CNTNAP2: variants seen among roughly 807,000 people sequenced by gnomAD.
CNTNAP2 encodes the protein contactin-associated protein-like 2.
CNTNAP2 carries 98 observed loss-of-function variants against 155.2 expected under a neutral mutation model. The observed-to-expected ratio is 0.63, with a 90% CI of 0.54 to 0.75. The LOEUF is 0.75. CNTNAP2 is among the 30% of genes least tolerant of loss of function. The pLI is 0.00. For missense variants in CNTNAP2, 1,727 were observed against 1,688.1 expected (o/e 1.02, Z -0.40); for synonymous variants, 651 against 631.2 (o/e 1.03, Z -0.47).
chr7:146,844,685 C>T (rs1803809035), intron 3 of CNTNAP2, among the ~76,000 whole-genome samples: 1 of 152,242 alleles, frequency 6.6e-6, no homozygotes. Context: ...GGAGTAAAAG[C>T]AGTGGATGCC....
At chr7:146,819,447 ACT>A (rs1194427214) in intron 2 of CNTNAP2, among the ~76,000 whole-genome samples, 7 of 151,816 alleles carry the variant, frequency 4.6e-5, no homozygotes, top group Non-Finnish European at 7.4e-5. Flanking sequence ...AATGCCACAC[ACT>A]CTCACAGTTT....
At chr7:147,964,372 GTCA>G (rs768412498) in intron 14 of CNTNAP2, among the ~76,000 whole-genome samples, 3 of 152,124 alleles carry the variant, frequency 2.0e-5, no homozygotes, top group Non-Finnish European at 4.4e-5. Context: ...TTTAGAATTG[GTCA>G]TCAAGATTTT....
chr7:147,661,284 A>G (rs1795604467), intron 13 of CNTNAP2, among the ~76,000 whole-genome samples: 1 of 152,082 alleles, frequency 6.6e-6, no homozygotes, highest in South Asian at 2.1e-4. Context: ...CTTTTCTAAA[A>G]TTCTTGAATT....
intron 16 of CNTNAP2, among the ~76,000 whole-genome samples, chr7:148,146,592 A>G (rs185945564): frequency 1.3e-5 from 2 of 152,234 alleles, no homozygotes; most frequent in Admixed American, 1.3e-4. Flanking sequence ...GCTAGAGGGT[A>G]GGTTATGAGA....
intron 15 of CNTNAP2, among the ~76,000 whole-genome samples, chr7:148,115,513 GCTCTCA>G (rs1804448742): frequency 6.6e-6 from 1 of 152,098 alleles, no homozygotes. Context: ...TCCTTAAAGG[GCTCTCA>G]CCCAATTAGG....
chr7:147,486,503 T>G (rs944384007), intron 11 of CNTNAP2, among the ~76,000 whole-genome samples: 2 of 152,118 alleles, frequency 1.3e-5, no homozygotes, highest in African/African-American at 2.4e-5. Context: ...ACTACCTTTT[T>G]TTAGATCAAA....
intron 2 of CNTNAP2, among the ~76,000 whole-genome samples, chr7:146,824,780 T>G (rs1803367354): frequency 6.6e-6 from 1 of 152,010 alleles, no homozygotes; most frequent in African/African-American, 2.4e-5. Flanking sequence ...ATTAGTGATG[T>G]GGTGGTCATA....
chr7:147,929,341 TGAG>T (rs1257937804), intron 14 of CNTNAP2, among the ~76,000 whole-genome samples: 8 of 152,096 alleles, frequency 5.3e-5, no homozygotes, highest in Non-Finnish European at 1.0e-4. Context: ...AACATGGAGG[TGAG>T]GAGAAGGACT....
chr7:148,355,364 G>A (rs1246642990), intron 21 of CNTNAP2, among the ~76,000 whole-genome samples: 9 of 151,396 alleles, frequency 5.9e-5, no homozygotes, highest in South Asian at 4.2e-4. Context: ...CACTATGGTC[G>A]ATCAGTATTA....
At chr7:147,808,937 G>A (rs559836325) in intron 13 of CNTNAP2, among the ~76,000 whole-genome samples, 2 of 152,206 alleles carry the variant, frequency 1.3e-5, no homozygotes, top group East Asian at 3.9e-4. Context: ...ATTTTCTAAA[G>A]CACCAAGATG....
intron 3 of CNTNAP2, among the ~76,000 whole-genome samples, chr7:146,910,821 A>C (rs950067605): frequency 6.7e-6 from 1 of 149,134 alleles, no homozygotes; most frequent in South Asian, 2.1e-4. Flanking sequence ...TAATTAAACT[A>C]AAGAGCTTCT....
intron 20 of CNTNAP2, among the ~76,000 whole-genome samples, chr7:148,243,807 AG>A (rs1166164406): frequency 6.6e-6 from 1 of 152,030 alleles, no homozygotes; most frequent in African/African-American, 2.4e-5. Flanking sequence ...AAAAGAAAAA[AG>A]AAAAAAAAAA....
chr7:147,151,272 C>T (rs1320283832), intron 8 of CNTNAP2, among the ~76,000 whole-genome samples: 1 of 152,040 alleles, frequency 6.6e-6, no homozygotes, highest in African/African-American at 2.4e-5. Flanking sequence ...GGCAAATGTT[C>T]CAAAGCCAGG....
intron 1 of CNTNAP2, among the ~76,000 whole-genome samples, chr7:146,226,555 A>T (rs1197002590): frequency 6.6e-6 from 1 of 152,094 alleles, no homozygotes; most frequent in Admixed American, 6.6e-5. Flanking sequence ...GGTACTCTGG[A>T]GGCTGAGGTG....
chr7:147,952,783 C>T (rs1026676162), intron 14 of CNTNAP2, among the ~76,000 whole-genome samples: 16 of 152,046 alleles, frequency 1.1e-4, no homozygotes, highest in Non-Finnish European at 2.2e-4. Flanking sequence ...TGTACAGAAT[C>T]GAATGCACTT....
chr7:148,254,383 G>A (rs545839090), intron 20 of CNTNAP2, among the ~76,000 whole-genome samples: 20 of 152,058 alleles, frequency 1.3e-4, no homozygotes, highest in Admixed American at 3.3e-4. Context: ...ATTACAGAAG[G>A]GAATAAAGAC....
At chr7:148,348,999 T>C (rs867397871) in intron 21 of CNTNAP2, among the ~76,000 whole-genome samples, 1 of 12,954 alleles carries the variant, frequency 7.7e-5, no homozygotes, top group Admixed American at 1.5e-3. Flanking sequence ...ATATTATTTT[T>C]AATCTTAATT....
At chr7:146,988,481 T>G (rs1476587912) in intron 3 of CNTNAP2, among the ~76,000 whole-genome samples, 1 of 152,180 alleles carries the variant, frequency 6.6e-6, no homozygotes, top group Non-Finnish European at 1.5e-5. Flanking sequence ...TAGCCTGATA[T>G]CCTTTGAAAT....
chr7:147,586,736 A>G (rs1389727605), intron 12 of CNTNAP2, among the ~76,000 whole-genome samples: 1 of 152,114 alleles, frequency 6.6e-6, no homozygotes, highest in Non-Finnish European at 1.5e-5. Context: ...CAGCCAGACT[A>G]GTGAGTCAGG....
Sources: gnomAD v4.1 joint callset for allele counts (sites outside exome capture counted in the v4.1 genomes callset) on GRCh38, gnomAD v4.1.1 for gene constraint, MANE v1.5 for transcripts, NCBI Gene and HGNC (gene_info 2026-07-23, HGNC 2026-07-21) for gene names.